ADGRV1: variants seen among roughly 807,000 people sequenced by gnomAD.
ADGRV1 encodes the protein G-protein coupled receptor 98.
A neutral mutation model predicts 596.2 loss-of-function variants in ADGRV1; 359 were observed. The observed-to-expected ratio is 0.60, with a 90% CI of 0.55 to 0.66. The LOEUF is 0.66. ADGRV1 is among the 30% of genes least tolerant of loss of function. The probability of loss-of-function intolerance (pLI) is 0.00; values close to 1 mark genes in which losing one functional copy is unlikely to be tolerated. For synonymous variants in ADGRV1, 2,681 were observed against 2,679.2 expected (o/e 1.00, Z -0.02); for missense variants, 7,274 against 7,575.6 (o/e 0.96, Z 1.48).
chr5:90,765,323 T>C (rs1756983080), intron 59 of ADGRV1, among the ~76,000 whole-genome samples: 1 of 152,116 alleles, frequency 6.6e-6, no homozygotes, highest in Non-Finnish European at 1.5e-5. Flanking sequence ...AGAGCTGTCT[T>C]TGATTTTCTT....
intron 74 of ADGRV1, among the ~76,000 whole-genome samples, chr5:90,813,132 C>CAAAAAAA (rs5869522): frequency 0.16 from 5,595 of 34,860 alleles, 1,948 homozygotes; most frequent in Non-Finnish European, 0.23. Context: ...GACTCCGTCT[C>CAAAAAAA]AAAAAAAAAA....
intron 83 of ADGRV1, among the ~76,000 whole-genome samples, chr5:90,873,254 T>G (rs1398886270): frequency 6.6e-6 from 1 of 152,202 alleles, no homozygotes; most frequent in Non-Finnish European, 1.5e-5. Flanking sequence ...AGAGCCCTAT[T>G]CAGATACCAT....
intron 1 of ADGRV1, among the ~76,000 whole-genome samples, chr5:90,596,383 G>A (rs1430815858): frequency 2.0e-5 from 3 of 151,584 alleles, no homozygotes; most frequent in Admixed American, 6.5e-5. Context: ...CTTCCCAGAC[G>A]GGGTGGCGGC....
intron 2 of ADGRV1, chr5:90,617,117 C>T (rs528433969): frequency 1.3e-5 from 2 of 152,178 alleles, no homozygotes; most frequent in African/African-American, 4.8e-5. Context: ...TGTAGCTGTG[C>T]ATATATACAA....
Position 90,675,779 on chromosome 5 carries a change from C to T in ADGRV1, c.5314-301C>T, listed in dbSNP as rs78669989. 0.012 allele frequency among the ~76,000 whole-genome samples: 1,877 copies of T among 150,634 alleles called. 33 individuals are homozygous for T. Among genetic ancestry groups the T allele is most frequent in the African/African-American group, 0.044 (1,785 of 40,940 alleles). On this transcript the variant is annotated intron_variant, in intron 24 of 89. Coordinates refer to ENST00000405460, the MANE Select transcript of ADGRV1 (RefSeq NM_032119.4). ...CTCCAGCCTTGGTGACATTGTGAGA[C>T]TCTGTCTCTAAAATAAAAAAAGAAA...
chr5:90,807,717 T>C lies in ADGRV1; in HGVS notation c.14952T>C (p.Ala4984=). 1 of 1,565,274 alleles carries C rather than the reference T, an allele frequency of 6.4e-7. No individual in the cohort carries two copies. Among genetic ancestry groups the C allele is most frequent in the Non-Finnish European group, 8.7e-7 (1 of 1,149,660 alleles). Residue 4984 remains alanine (A), a synonymous_variant, in exon 73 of 90, where the codon GCT becomes GCC. Coordinates refer to ENST00000405460, the MANE Select transcript of ADGRV1 (RefSeq NM_032119.4). ...ACCTATCAGGAGTGCAGAGCAGTGC[T>C]CCTGGCGGAGCTCAACTCCGGTAAG... is the stretch of plus-strand genomic sequence containing the variant. ...VLHLSGVQSS[A]PGGAQLRSGF...
chr5:90,756,274 A>G (rs1403562325), intron 55 of ADGRV1, among the ~76,000 whole-genome samples, 180 bp from the exon 56 acceptor site: 1 of 152,232 alleles, frequency 6.6e-6, no homozygotes, highest in Non-Finnish European at 1.5e-5. Context: ...TATTCTATAG[A>G]TTCTGAAGTG....
intron 34 of ADGRV1, among the ~76,000 whole-genome samples, chr5:90,703,248 G>T (rs920055672): frequency 6.6e-6 from 1 of 152,010 alleles, no homozygotes; most frequent in African/African-American, 2.4e-5. Flanking sequence ...TGCATGCATT[G>T]TGTAAAATCA....
At chr5:90,865,619 A>G (rs1467711322) in intron 83 of ADGRV1, among the ~76,000 whole-genome samples, 1 of 152,180 alleles carries the variant, frequency 6.6e-6, no homozygotes, top group East Asian at 1.9e-4. Context: ...GTGACATGAA[A>G]TAACTAAAAA....
Position 90,943,114 on chromosome 5 carries a change from G to A in ADGRV1, c.17857-22301G>A, listed in dbSNP as rs140177395. Among the ~76,000 whole-genome samples the A allele has an allele frequency of 3.1e-3, 466 of 152,102 alleles. 1 individual carries two copies. Among genetic ancestry groups the A allele is most frequent in the African/African-American group, 0.011 (451 of 41,502 alleles). ...GGACAGATTGTAGTTCTTTAAAGCTGGCCTTTCCCTGTCTCTCATAAAAGT... is the reference window on the plus strand; with the variant it reads ...GGACAGATTGTAGTTCTTTAAAGCTAGCCTTTCCCTGTCTCTCATAAAAGT... On this transcript the variant is annotated intron_variant, in intron 83 of 89. Coordinates refer to ENST00000405460, the MANE Select transcript of ADGRV1 (RefSeq NM_032119.4).
chr5:90,615,115 C>A, intron 2 of ADGRV1, 96 bp downstream of exon 2: 1 of 726,934 alleles, frequency 1.4e-6, no homozygotes, highest in Non-Finnish European at 2.2e-6. Context: ...AGATTTTGAG[C>A]AGTTTCATTA....
At chr5:90,688,339 C>T (rs927360437) in intron 29 of ADGRV1, among the ~76,000 whole-genome samples, 15 of 152,020 alleles carry the variant, frequency 9.9e-5, no homozygotes, top group Non-Finnish European at 1.9e-4. Flanking sequence ...ACTGGCTAGC[C>T]ATATGTTGAT....
At chr5:90,853,116 T>C (rs987965202) in intron 79 of ADGRV1, among the ~76,000 whole-genome samples, 168 bp from the exon 80 acceptor site, 4 of 152,212 alleles carry the variant, frequency 2.6e-5, no homozygotes, top group South Asian at 2.1e-4. Context: ...TCATGACAAT[T>C]ATCCACAAAA....
intron 76 of ADGRV1, among the ~76,000 whole-genome samples, chr5:90,826,584 C>T (rs867120617): frequency 6.6e-5 from 10 of 151,864 alleles, no homozygotes; most frequent in African/African-American, 4.9e-5. Flanking sequence ...GCACAGCTCT[C>T]GGCAGAGTTG....
chr5:90,615,086 G>A (rs1358619765), intron 2 of ADGRV1, 67 bp downstream of exon 2: 2 of 1,034,530 alleles, frequency 1.9e-6, no homozygotes, highest in East Asian at 2.8e-5. Flanking sequence ...TAATGGCAAG[G>A]ATTTTTTTTT....
intron 85 of ADGRV1, among the ~76,000 whole-genome samples, chr5:91,062,936 G>A (rs1459582567): frequency 6.8e-6 from 1 of 146,848 alleles, no homozygotes; most frequent in Non-Finnish European, 1.5e-5. Context: ...GAGTGTGCTA[G>A]AAGAGTGTTT....
At chr5:90,565,818 G>C (rs1265920366) in intron 1 of ADGRV1, among the ~76,000 whole-genome samples, 1 of 152,132 alleles carries the variant, frequency 6.6e-6, no homozygotes. Flanking sequence ...ATGTATGAGA[G>C]TTTTGATTTC....
At chr5:90,974,070 G>C (rs897176919) in intron 84 of ADGRV1, among the ~76,000 whole-genome samples, 1 of 152,076 alleles carries the variant, frequency 6.6e-6, no homozygotes, top group Non-Finnish European at 1.5e-5. Flanking sequence ...CAAACAGAGA[G>C]CCAAATCATG....
intron 83 of ADGRV1, among the ~76,000 whole-genome samples, chr5:90,959,772 A>G (rs1777809957): frequency 6.6e-6 from 1 of 152,216 alleles, no homozygotes; most frequent in Non-Finnish European, 1.5e-5. Flanking sequence ...ATGCTGAGTG[A>G]AACAAACTAG....
Sources: allele counts gnomAD v4.1 joint callset (sites outside exome capture counted in the v4.1 genomes callset), GRCh38; gene constraint gnomAD v4.1.1; transcripts MANE v1.5; gene names NCBI Gene and HGNC (gene_info 2026-07-23, HGNC 2026-07-21).